Variants in TENT5D observed in about 807,000 individuals in gnomAD.
The protein encoded by TENT5D is cancer/testis antigen 112.
For synonymous variants in TENT5D, 103 were observed against 100.6 expected, an observed-to-expected ratio of 1.02 and a Z score of -0.15; for missense variants, 191 against 287.0, an observed-to-expected ratio of 0.67 and a Z score of 2.42.
chrX:80,419,272 T>C (rs1470228258), upstream of TENT5D, among the ~76,000 whole-genome samples: 1 of 112,168 alleles, frequency 8.9e-6, no homozygotes, highest in Non-Finnish European at 1.9e-5. Context: ...CGTATATTTT[T>C]CTTTAAAATT....
At chrX:80,379,988 T>G (rs1286126059) in intron 3 of TENT5D, among the ~76,000 whole-genome samples, 1 of 106,191 alleles carries the variant, frequency 9.4e-6, no homozygotes, top group Admixed American at 1.0e-4. Context: ...AGTTATTTCT[T>G]GTCTTCTGCT....
chrX:80,355,476 C>T (rs1032737514), intron 3 of TENT5D, among the ~76,000 whole-genome samples: 1 of 111,576 alleles, frequency 9.0e-6, no homozygotes, highest in African/African-American at 3.3e-5. Context: ...TTGCCTATGG[C>T]CATGCTCCAC....
chrX:80,392,930 C>T (rs1220265426), intron 3 of TENT5D, among the ~76,000 whole-genome samples: 1 of 111,630 alleles, frequency 9.0e-6, no homozygotes, highest in African/African-American at 3.3e-5. Context: ...TTTTCCTTCT[C>T]TTTATGCTTT....
intron 3 of TENT5D, among the ~76,000 whole-genome samples, chrX:80,400,386 C>A (rs1021991932): frequency 9.0e-6 from 1 of 111,535 alleles, no homozygotes; most frequent in Non-Finnish European, 1.9e-5. Context: ...CACGGACACA[C>A]CCAAAATATC....
At chrX:80,359,652 G>A (rs781748572) in intron 3 of TENT5D, among the ~76,000 whole-genome samples, 1 of 111,198 alleles carries the variant, frequency 9.0e-6, no homozygotes, top group Non-Finnish European at 1.9e-5. Flanking sequence ...AGGGGGCTAG[G>A]GGAGGTATAG....
intron 3 of TENT5D, among the ~76,000 whole-genome samples, chrX:80,351,848 T>TTGTTGA (rs1175465746): frequency 1.8e-5 from 2 of 111,949 alleles, no homozygotes; most frequent in African/African-American, 3.2e-5. Flanking sequence ...GGGGTTCTTT[T>TTGTTGA]TGTTGATGTT....
At chrX:80,438,965 A>G (rs778123333) in intron 2 of TENT5D, among the ~76,000 whole-genome samples, 68 of 111,352 alleles carry the variant, frequency 6.1e-4, no homozygotes, top group Non-Finnish European at 9.8e-4. Context: ...AACCAGTTGA[A>G]TAATGGAAAC....
rs182664842 is a variant in TENT5D at position 80,394,857 on chromosome X, T to C, written c.-141-43753T>C. On this transcript the variant is annotated intron_variant, in intron 3 of 4. Transcript: ENST00000538312. The stretch of plus-strand genomic sequence containing the variant: ...ATCTCTCATCTCAAATTTTATCATG[T>C]CTTTGTAGTGAGAATATTCAAAATT... 4.2e-3 allele frequency among the ~76,000 whole-genome samples: 465 copies of C among 111,926 alleles called. 5 individuals are homozygous for C. The highest frequency in any genetic ancestry group is 0.03 in the Admixed American group (317 of 10,553).
intron 1 of TENT5D, among the ~76,000 whole-genome samples, chrX:80,424,138 A>G (rs1189950240): frequency 9.0e-6 from 1 of 110,803 alleles, no homozygotes; most frequent in Non-Finnish European, 1.9e-5. Context: ...GGGAACAGCA[A>G]CTAGGGTTTC....
At chrX:80,401,890 A>G (rs918583329) in intron 3 of TENT5D, among the ~76,000 whole-genome samples, 2 of 111,927 alleles carry the variant, frequency 1.8e-5, no homozygotes, top group African/African-American at 6.5e-5. Context: ...TTCATTTGGC[A>G]TTGGCATCAG....
intron 1 of TENT5D, among the ~76,000 whole-genome samples, chrX:80,430,929 A>G (rs916574292): frequency 5.4e-5 from 6 of 111,044 alleles, no homozygotes; most frequent in Non-Finnish European, 7.6e-5. Context: ...AGGGCTCCCA[A>G]GATACCCTAG....
At chrX:80,365,858 TAAAA>T (rs1930500001) in intron 3 of TENT5D, among the ~76,000 whole-genome samples, 1 of 109,394 alleles carries the variant, frequency 9.1e-6, no homozygotes, top group African/African-American at 3.3e-5. Context: ...AAAAATGACT[TAAAA>T]GAGATTAAAT....
intron 3 of TENT5D, among the ~76,000 whole-genome samples, chrX:80,356,339 C>T (rs1292715798): frequency 9.0e-5 from 10 of 111,608 alleles, no homozygotes; most frequent in Non-Finnish European, 5.6e-5. Context: ...CTTTTGGCTA[C>T]TTTTGGTATC....
chrX:80,440,464 T>A (rs1932262782), intron 2 of TENT5D, among the ~76,000 whole-genome samples: 1 of 110,384 alleles, frequency 9.1e-6, no homozygotes, highest in Admixed American at 9.7e-5. Context: ...TTTTGGCAAT[T>A]TTTTTTTAGT....
intron 3 of TENT5D, among the ~76,000 whole-genome samples, chrX:80,369,737 T>C (rs1016965088): frequency 3.6e-5 from 4 of 111,264 alleles, no homozygotes; most frequent in Admixed American, 1.9e-4. Flanking sequence ...ACAGTATTAG[T>C]GAGATGTGAA....
At chrX:80,408,910 G>C (rs1931567787) in intron 3 of TENT5D, among the ~76,000 whole-genome samples, 1 of 110,021 alleles carries the variant, frequency 9.1e-6, no homozygotes, top group Admixed American at 9.7e-5. Context: ...ATGATCAAGT[G>C]GGCTTCATCC....
intron 3 of TENT5D, among the ~76,000 whole-genome samples, chrX:80,351,052 C>T (rs910243673): frequency 1.8e-5 from 2 of 111,273 alleles, no homozygotes; most frequent in African/African-American, 6.5e-5. Flanking sequence ...GTAACCTGAC[C>T]TTTCTTTCTG....
At chrX:80,392,550 C>T in intron 3 of TENT5D, among the ~76,000 whole-genome samples, 1 of 83,263 alleles carries the variant, frequency 1.2e-5, no homozygotes, top group South Asian at 6.8e-4. Context: ...CGCTCTGTCG[C>T]CCAGGCCGGA....
chrX:80,428,588 T>G (rs1257298129), intron 1 of TENT5D, among the ~76,000 whole-genome samples: 2 of 112,529 alleles, frequency 1.8e-5, no homozygotes, highest in Non-Finnish European at 3.8e-5. Flanking sequence ...TTTAATTGTT[T>G]AAAGGCTTTT....
Sources: gnomAD v4.1 joint callset for allele counts (sites outside exome capture counted in the v4.1 genomes callset) on GRCh38, gnomAD v4.1.1 for gene constraint, MANE v1.5 for transcripts, NCBI Gene and HGNC (gene_info 2026-07-23, HGNC 2026-07-21) for gene names.